LRP1-AS: variants seen among roughly 807,000 people sequenced by gnomAD.
The protein encoded by LRP1-AS is LRP1 antisense RNA.
intron 1 of LRP1-AS, chr12:57,145,199 C>T: frequency 1.2e-6 from 2 of 1,613,796 alleles, no homozygotes; most frequent in Non-Finnish European, 1.7e-6. Flanking sequence ...GCCCTGGCTG[C>T]ACGGACTCTT....
At chr12:57,145,397 A>G in intron 1 of LRP1-AS, 10 of 1,614,178 alleles carry the variant, frequency 6.2e-6, no homozygotes, top group Non-Finnish European at 8.5e-6. Context: ...TGTTGGGGAC[A>G]GTGCTGCTCA....
exon 2 of LRP1-AS, chr12:57,144,920 C>T (rs1023164480): frequency 3.9e-5 from 61 of 1,577,760 alleles, no homozygotes; most frequent in East Asian, 1.6e-4. Flanking sequence ...TCACCCACTT[C>T]GTTGCCCTTG....
At chr12:57,147,592 G>A (rs991858669) in exon 1 of LRP1-AS, 1 of 152,258 alleles carries the variant, frequency 6.6e-6, no homozygotes, top group African/African-American at 2.4e-5. Flanking sequence ...GGACCCCTGG[G>A]GCTGAGCCTC....
At chr12:57,145,009 G>T in exon 2 of LRP1-AS, 1 of 1,614,166 alleles carries the variant, frequency 6.2e-7, no homozygotes, top group Non-Finnish European at 8.5e-7. Flanking sequence ...CCTGCAGCCA[G>T]CTATGCACCA....
chr12:57,145,485 T>C (rs542050760), intron 1 of LRP1-AS: 2 of 1,612,860 alleles, frequency 1.2e-6, no homozygotes, highest in Admixed American at 3.3e-5. Flanking sequence ...TCCCTCAGTC[T>C]GCACCGTGAG....
intron 1 of LRP1-AS, among the ~76,000 whole-genome samples, chr12:57,146,127 G>C (rs982800510): frequency 2.6e-5 from 4 of 152,172 alleles, no homozygotes; most frequent in African/African-American, 9.7e-5. Context: ...TGTGGAAGAA[G>C]GGGTGTCACA....
chr12:57,145,826 C>A (rs534358309), intron 1 of LRP1-AS, among the ~76,000 whole-genome samples: 23 of 152,010 alleles, frequency 1.5e-4, no homozygotes, highest in Non-Finnish European at 2.8e-4. Flanking sequence ...GCAGTGGGAG[C>A]CAAGGCTAGG....
intron 1 of LRP1-AS, chr12:57,145,385 C>T (rs918418849): frequency 4.3e-6 from 7 of 1,614,176 alleles, no homozygotes; most frequent in Non-Finnish European, 5.9e-6. Context: ...ATGCTGGGTG[C>T]ATGTTGGGGA....
At chr12:57,144,706 C>T (rs971176645) in exon 2 of LRP1-AS, 28 of 490,086 alleles carry the variant, frequency 5.7e-5, no homozygotes, top group Non-Finnish European at 9.6e-5. Flanking sequence ...TTCACTGATG[C>T]ACCCCTGGCA....
intron 1 of LRP1-AS, chr12:57,145,445 G>A (rs2035385138): frequency 3.1e-6 from 5 of 1,613,984 alleles, no homozygotes; most frequent in Non-Finnish European, 4.2e-6. Flanking sequence ...TGGCCTAAAG[G>A]GCTTCGTGGA....
chr12:57,144,935 A>C (rs2035370899), exon 2 of LRP1-AS: 2 of 1,605,426 alleles, frequency 1.2e-6, no homozygotes, highest in Non-Finnish European at 1.7e-6. Context: ...CCCTTGTCAC[A>C]CTGGAAATGA....
At chr12:57,145,941 A>G (rs1221816127) in intron 1 of LRP1-AS, among the ~76,000 whole-genome samples, 2 of 151,934 alleles carry the variant, frequency 1.3e-5, no homozygotes, top group Non-Finnish European at 2.9e-5. Context: ...TCCCTCGGGG[A>G]CCATTGCCAA....
chr12:57,145,714 G>A (rs985299445), intron 1 of LRP1-AS, among the ~76,000 whole-genome samples: 1 of 152,192 alleles, frequency 6.6e-6, no homozygotes, highest in Non-Finnish European at 1.5e-5. Flanking sequence ...TGCATTTCTG[G>A]CCAAGGGCTG....
exon 1 of LRP1-AS, chr12:57,147,526 C>T (rs555420012): frequency 1.3e-5 from 2 of 152,346 alleles, no homozygotes; most frequent in South Asian, 4.1e-4. Context: ...ACTCTGCCCT[C>T]CAGGGCAGCC....
chr12:57,144,899 A>G (rs1209476338), exon 2 of LRP1-AS: 26 of 1,445,706 alleles, frequency 1.8e-5, no homozygotes, highest in Non-Finnish European at 2.2e-5. Flanking sequence ...CATGTTGATC[A>G]TGTCTGATGA....
chr12:57,147,095 C>T (rs1422898940), intron 1 of LRP1-AS, among the ~76,000 whole-genome samples: 2 of 152,046 alleles, frequency 1.3e-5, no homozygotes, highest in African/African-American at 4.8e-5. Flanking sequence ...TTTGCCTTGC[C>T]TCCCAGTCTG....
rs140738482 is a variant in LRP1-AS at position 57,147,128 on chromosome 12, G to A, written n.181+311C>T. Among the ~76,000 whole-genome samples the A allele has an allele frequency of 2.8e-4, 43 of 151,984 alleles. No individual in the cohort carries two copies. The Middle Eastern group carries it at 0.01, about 36-fold the overall frequency. ...CTGCTAAACTCACTGGGCCTCTCAG[G>A]GGCAGAGTCCAGGAGGCTAGAAGAG... On this transcript the variant is annotated intron_variant and non_coding_transcript_variant, in intron 1 of 1. Transcript: ENST00000555461.
chr12:57,144,632 C>A (rs2035361662), exon 2 of LRP1-AS: 1 of 283,566 alleles, frequency 3.5e-6, no homozygotes, highest in African/African-American at 2.1e-5. Flanking sequence ...ATTATAGTAA[C>A]TATATTTCAT....
chr12:57,145,337 A>G (rs771443639), intron 1 of LRP1-AS: 2 of 1,614,132 alleles, frequency 1.2e-6, no homozygotes, highest in Non-Finnish European at 1.7e-6. Flanking sequence ...CACGCGGCAG[A>G]CCACAGCCAT....
Sources: allele counts gnomAD v4.1 joint callset (sites outside exome capture counted in the v4.1 genomes callset), GRCh38; gene constraint gnomAD v4.1.1; transcripts MANE v1.5; gene names NCBI Gene and HGNC (gene_info 2026-07-23, HGNC 2026-07-21).